SATB2: variants seen among roughly 807,000 people sequenced by gnomAD.
SATB2 encodes DNA-binding protein SATB2.
SATB2 carries 1 observed loss-of-function variant against 73.4 expected under a neutral mutation model. That is an observed-to-expected ratio of 0.01 (90% CI 0.00 to 0.06). The LOEUF is 0.06. Ranked by LOEUF, SATB2 falls within the 10% of genes least tolerant of loss-of-function variation. The pLI is 1.00. For missense variants in SATB2, 459 were observed against 945.8 expected, an observed-to-expected ratio of 0.49 and a Z score of 6.75; for synonymous variants, 397 against 367.0, an observed-to-expected ratio of 1.08 and a Z score of -0.93.
chr2:199,377,204 G>A (rs140696026), intron 5 of SATB2, among the ~76,000 whole-genome samples: 155 of 152,056 alleles, frequency 1.0e-3, no homozygotes, highest in African/African-American at 3.5e-3. Flanking sequence ...GTGAAATCAC[G>A]TCTCTACTAA....
chr2:199,280,907 C>T (rs1384771991), intron 10 of SATB2, among the ~76,000 whole-genome samples: 2 of 152,184 alleles, frequency 1.3e-5, no homozygotes, highest in Non-Finnish European at 2.9e-5. Context: ...ACACCCTATT[C>T]GTACATTCCC....
At chr2:199,305,978 C>G (rs1687421471) in intron 10 of SATB2, among the ~76,000 whole-genome samples, 1 of 152,130 alleles carries the variant, frequency 6.6e-6, no homozygotes, top group Non-Finnish European at 1.5e-5. Flanking sequence ...CATTTCCTAT[C>G]TAATTAGACA....
chr2:199,465,104 C>T (rs931663649), exon 1 of SATB2: 4 of 152,278 alleles, frequency 2.6e-5, no homozygotes, highest in African/African-American at 9.6e-5. Flanking sequence ...CTCTCTCTCT[C>T]TCTCTTTCTC....
intron 3 of SATB2, among the ~76,000 whole-genome samples, chr2:199,419,985 G>C (rs1026989154): frequency 6.6e-6 from 1 of 152,078 alleles, no homozygotes. Context: ...GGACTTACAG[G>C]GACTTTTATT....
rs962385606 is a variant in SATB2 at position 199,463,561 on chromosome 2, C to T, written c.-141+1275G>A. On this transcript the variant is annotated intron_variant, in intron 1 of 11. Transcript: ENST00000260926. This position sits in a 1 kb window ranked among gnomAD's most constrained non-coding sequence, Gnocchi z 6.4. ...GGCCCGGAGCCCCAGCGTCCTCTCC[C>T]GACAGCGCCACCGCGTGGGCTGAGG... 6.6e-6 allele frequency among the ~76,000 whole-genome samples: 1 copy of T among 152,142 alleles called. No individual in the cohort carries two copies. Among genetic ancestry groups the T allele is most frequent in the Non-Finnish European group, 1.5e-5 (1 of 68,012 alleles).
intron 7 of SATB2, among the ~76,000 whole-genome samples, chr2:199,330,094 G>A (rs954156779): frequency 2.0e-5 from 3 of 152,044 alleles, no homozygotes; most frequent in African/African-American, 7.2e-5. Context: ...TTTCCACTCA[G>A]GTGAAAATTA....
chr2:199,350,789 G>A (rs548108647), intron 6 of SATB2, among the ~76,000 whole-genome samples: 13 of 152,104 alleles, frequency 8.5e-5, no homozygotes, highest in Middle Eastern at 3.4e-3. Context: ...TTGGGAGGCC[G>A]AGGCTGGTGG....
chr2:199,351,526 A>G (rs1357850874), intron 6 of SATB2, among the ~76,000 whole-genome samples: 1 of 152,190 alleles, frequency 6.6e-6, no homozygotes, highest in Non-Finnish European at 1.5e-5. Context: ...TCATCTTCTA[A>G]AGGCAAACCT....
At position 199,271,676 on chromosome 2, in the gene SATB2, G is replaced by C. The variant is rs1343316221; in HGVS notation, c.*535C>G. The C allele has an allele frequency of 6.5e-6, 1 of 153,016 alleles. No individual in the cohort carries two copies. Among genetic ancestry groups the C allele is most frequent in the Admixed American group, 6.5e-5 (1 of 15,302 alleles). The allele number at this position is 153,016 out of a possible 1,614,324, so 9.5% of individuals were successfully genotyped here. A position where few individuals can be genotyped will look rare whatever the true frequency, so the allele number is the denominator to read the frequency against. ...AGCCAAAGCGACTCACTGTGAAGTG[G>C]TTTTTTTAATACATAAACAAGTCTT... On this transcript the variant is annotated 3_prime_UTR_variant, in exon 11 of 11. Coordinates refer to ENST00000417098, the MANE Select transcript of SATB2 (RefSeq NM_001172509.2).
In SATB2 at chr2:199,406,779, A is replaced by G. The variant is rs551394035; in HGVS notation, c.347-24959T>C. Among the ~76,000 whole-genome samples the G allele has an allele frequency of 2.6e-5, 4 of 152,310 alleles. No individual in the cohort carries two copies. In the East Asian group the frequency reaches 5.8e-4, roughly 22 times the overall value. ...GAAATGACACTGAAAAGCTGAAAAA[A>G]AAATGGGTGTAATTCCATGGATGAA... On this transcript the variant is annotated intron_variant, in intron 3 of 10. Coordinates refer to ENST00000417098, the MANE Select transcript of SATB2 (RefSeq NM_001172509.2).
chr2:199,338,574 A>C (rs1010816129), intron 7 of SATB2, among the ~76,000 whole-genome samples: 1 of 152,102 alleles, frequency 6.6e-6, no homozygotes, highest in African/African-American at 2.4e-5. Context: ...ATTTTCTATA[A>C]TGAGTCTGGC....
At chr2:199,373,918 T>C (rs925283263) in intron 5 of SATB2, among the ~76,000 whole-genome samples, 3 of 152,230 alleles carry the variant, frequency 2.0e-5, no homozygotes, top group East Asian at 1.9e-4. Context: ...AAACGGACAG[T>C]TGGCAACCAG....
intron 3 of SATB2, chr2:199,397,706 T>C (rs1322441687): frequency 8.5e-6 from 3 of 351,084 alleles, no homozygotes; most frequent in Admixed American, 3.3e-5. Flanking sequence ...CTGGCCAATA[T>C]AGTGAAACCC....
intron 7 of SATB2, among the ~76,000 whole-genome samples, chr2:199,341,688 CA>C (rs1223546467): frequency 7.9e-5 from 12 of 152,142 alleles, no homozygotes; most frequent in Admixed American, 2.0e-4. Context: ...AGTTCCATAA[CA>C]ACATATGGCT....
chr2:199,395,292 T>G (rs1325408447), intron 3 of SATB2, among the ~76,000 whole-genome samples: 1 of 152,212 alleles, frequency 6.6e-6, no homozygotes, highest in African/African-American at 2.4e-5. Context: ...ATTATTATGT[T>G]GCTACACTAG....
intron 3 of SATB2, among the ~76,000 whole-genome samples, chr2:199,392,319 A>G (rs1690168680): frequency 1.3e-5 from 2 of 152,036 alleles, no homozygotes; most frequent in African/African-American, 4.8e-5. Context: ...ACATTGTAAC[A>G]TTTAAGTAGG....
At chr2:199,353,423 A>G (rs201882459) in intron 6 of SATB2, among the ~76,000 whole-genome samples, 1 of 151,896 alleles carries the variant, frequency 6.6e-6, no homozygotes, top group Non-Finnish European at 1.5e-5. Flanking sequence ...CCAAATTGCT[A>G]GGATTACAGG....
At position 199,270,785 on chromosome 2, in the gene SATB2, G is replaced by A. The variant is rs1692131069; in HGVS notation, c.*1426C>T. 6.6e-6 allele frequency: 1 copy of A among 152,326 alleles called. No homozygotes were observed. The highest frequency in any genetic ancestry group is 1.5e-5 in the Non-Finnish European group (1 of 68,026). The allele number at this position is 152,326 out of a possible 1,614,324, so 9.4% of individuals were successfully genotyped here. A position where few individuals can be genotyped will look rare whatever the true frequency, so the allele number is the denominator to read the frequency against. ...TTGCGATGTAGGTAACTGGGATAAT[G>A]TTTTCTTTTAGGATGAGTAAGTGAT... is the stretch of plus-strand genomic sequence containing the variant. On this transcript the variant is annotated 3_prime_UTR_variant, in exon 11 of 11. Transcript: ENST00000417098.
intron 6 of SATB2, among the ~76,000 whole-genome samples, chr2:199,356,110 C>T (rs1304928478): frequency 7.3e-5 from 11 of 150,428 alleles, no homozygotes; most frequent in Admixed American, 1.3e-4. Context: ...CATTAAGATG[C>T]TTATGCAAAT....
Sources: gnomAD v4.1 joint callset for allele counts (sites outside exome capture counted in the v4.1 genomes callset) on GRCh38, gnomAD v4.1.1 for gene constraint, Gnocchi (gnomAD v3.1) non-coding constraint, MANE v1.5 for transcripts, NCBI Gene and HGNC (gene_info 2026-07-23, HGNC 2026-07-21) for gene names.